Variants in CTNNBL1 observed in about 807,000 individuals in gnomAD.
CTNNBL1 encodes beta-catenin-like protein 1.
Under a neutral mutation model 72.7 loss-of-function variants are expected in CTNNBL1, and 31 were observed. The ratio of observed to expected loss-of-function variants is 0.43; its 90% CI spans 0.32 to 0.58. CTNNBL1 has a LOEUF of 0.58. Among genes scored for constraint, CTNNBL1 ranks in the 20% least tolerant of loss-of-function variants. The probability of loss-of-function intolerance (pLI) is 0.08; values close to 1 mark genes in which losing one functional copy is unlikely to be tolerated. For synonymous variants in CTNNBL1, 240 were observed against 267.3 expected, an observed-to-expected ratio of 0.90 and a Z score of 1.00; for missense variants, 534 against 725.1, an observed-to-expected ratio of 0.74 and a Z score of 3.03.
At chr20:37,853,688 C>T (rs959224181) in intron 13 of CTNNBL1, among the ~76,000 whole-genome samples, 2 of 152,194 alleles carry the variant, frequency 1.3e-5, no homozygotes, top group Non-Finnish European at 2.9e-5. Context: ...AAAGGTGATG[C>T]CGTCTTCTTT....
intron 7 of CTNNBL1, among the ~76,000 whole-genome samples, chr20:37,774,674 G>T (rs932518193): frequency 6.6e-6 from 1 of 152,114 alleles, no homozygotes; most frequent in African/African-American, 2.4e-5. Flanking sequence ...TCAGCTGGTC[G>T]GTGCCTGTTA....
chr20:37,812,445 G>A (rs983741344), intron 11 of CTNNBL1, among the ~76,000 whole-genome samples: 9 of 152,322 alleles, frequency 5.9e-5, no homozygotes, highest in African/African-American at 2.2e-4. Context: ...GACAGCCACT[G>A]TTTTTCATGA....
At chr20:37,787,212 G>A (rs1175365904) in intron 10 of CTNNBL1, among the ~76,000 whole-genome samples, 1 of 151,326 alleles carries the variant, frequency 6.6e-6, no homozygotes, top group African/African-American at 2.4e-5. Flanking sequence ...ACAGTGCACT[G>A]CAGCGTTGAA....
Position 37,768,056 on chromosome 20 carries a change from T to G in CTNNBL1, c.750+12T>G. ...TGAAGAGGCTGAAGGTGAGTTTGGCTGTGGGGAACTGCAGCTCACACCTGT... is the reference window on the plus strand; with the variant it reads ...TGAAGAGGCTGAAGGTGAGTTTGGCGGTGGGGAACTGCAGCTCACACCTGT... On this transcript the variant is annotated intron_variant, in intron 7 of 15. Coordinates refer to ENST00000361383, the MANE Select transcript of CTNNBL1 (RefSeq NM_030877.5). 1.2e-6 allele frequency: 2 copies of G among 1,608,724 alleles called. No homozygotes were observed. The highest frequency in any genetic ancestry group is 1.7e-6 in the Non-Finnish European group (2 of 1,175,324).
At chr20:37,736,492 G>A (rs1279453490) in intron 2 of CTNNBL1, among the ~76,000 whole-genome samples, 1 of 152,116 alleles carries the variant, frequency 6.6e-6, no homozygotes, top group African/African-American at 2.4e-5. Context: ...CTTACTCTCT[G>A]CCATACAGTG....
chr20:37,786,274 G>A (rs2073672505), intron 10 of CTNNBL1, among the ~76,000 whole-genome samples: 1 of 152,152 alleles, frequency 6.6e-6, no homozygotes, highest in African/African-American at 2.4e-5. Context: ...TGCTGCCTGT[G>A]TTCATTCATG....
intron 13 of CTNNBL1, among the ~76,000 whole-genome samples, chr20:37,851,832 G>A (rs946639100): frequency 2.0e-5 from 3 of 152,182 alleles, no homozygotes; most frequent in African/African-American, 4.8e-5. Flanking sequence ...GTTAGGATTC[G>A]GTTTTTGCTG....
intron 15 of CTNNBL1, among the ~76,000 whole-genome samples, chr20:37,870,727 C>T (rs368921626): frequency 9.4e-4 from 143 of 152,306 alleles, no homozygotes; most frequent in African/African-American, 3.3e-3. Context: ...CCTTTCTGCT[C>T]AGGACCCACC....
chr20:37,859,099 G>A (rs1357649329), intron 13 of CTNNBL1, among the ~76,000 whole-genome samples: 1 of 152,128 alleles, frequency 6.6e-6, no homozygotes, highest in Non-Finnish European at 1.5e-5. Context: ...TGGCTGCCAG[G>A]CGTGGTGTCT....
At chr20:37,761,763 G>A (rs1416569247) in intron 5 of CTNNBL1, among the ~76,000 whole-genome samples, 1 of 152,254 alleles carries the variant, frequency 6.6e-6, no homozygotes, top group African/African-American at 2.4e-5. Flanking sequence ...GTGATGTGAT[G>A]TAGAGTAGCT....
At chr20:37,787,977 T>TTC (rs1278536147) in intron 10 of CTNNBL1, among the ~76,000 whole-genome samples, 1 of 152,198 alleles carries the variant, frequency 6.6e-6, no homozygotes, top group Non-Finnish European at 1.5e-5. Context: ...ATTCTTTCCT[T>TTC]TCTGCACATT....
intron 11 of CTNNBL1, among the ~76,000 whole-genome samples, chr20:37,834,557 A>G (rs976628420): frequency 6.6e-6 from 1 of 152,222 alleles, no homozygotes; most frequent in African/African-American, 2.4e-5. Context: ...AGTGAGCCCA[A>G]ATATGAGGCG....
At chr20:37,748,845 T>C (rs1007337986) in intron 4 of CTNNBL1, among the ~76,000 whole-genome samples, 5 of 152,238 alleles carry the variant, frequency 3.3e-5, no homozygotes, top group African/African-American at 4.8e-5. Flanking sequence ...ACATTGGGGA[T>C]AGGCTTCAAC....
intron 12 of CTNNBL1, among the ~76,000 whole-genome samples, chr20:37,842,049 T>C (rs963952044): frequency 2.0e-5 from 3 of 152,232 alleles, no homozygotes; most frequent in Non-Finnish European, 4.4e-5. Context: ...TATTTGTTTT[T>C]AACAACGTGC....
chr20:37,715,763 C>G (rs901932219), intron 1 of CTNNBL1, among the ~76,000 whole-genome samples: 5 of 152,148 alleles, frequency 3.3e-5, no homozygotes, highest in Admixed American at 3.3e-4. Context: ...GTGTTATAAA[C>G]AAGATTAAGA....
intron 7 of CTNNBL1, among the ~76,000 whole-genome samples, chr20:37,772,772 AT>A (rs924727075): frequency 7.9e-5 from 12 of 152,144 alleles, no homozygotes; most frequent in African/African-American, 2.9e-4. Flanking sequence ...ATCATCTCAT[AT>A]TTATTCAGTA....
chr20:37,757,738 C>G, intron 5 of CTNNBL1, 82 bp downstream of exon 5: 2 of 949,394 alleles, frequency 2.1e-6, no homozygotes, highest in East Asian at 4.9e-5. Flanking sequence ...AGAGTGGCCA[C>G]CAGGTGGAAC....
chr20:37,803,105 T>C (rs976169638), intron 11 of CTNNBL1, 57 bp downstream of exon 11: 16 of 1,488,920 alleles, frequency 1.1e-5, no homozygotes, highest in Admixed American at 3.8e-5. Context: ...AATAGGGAAA[T>C]GTGAACTACT....
intron 11 of CTNNBL1, among the ~76,000 whole-genome samples, chr20:37,829,172 G>T (rs1376626158): frequency 6.6e-6 from 1 of 152,196 alleles, no homozygotes; most frequent in African/African-American, 2.4e-5. Flanking sequence ...TGTAATTTTG[G>T]AAGTGAGAGA....
Sources: gnomAD v4.1 joint callset for allele counts (sites outside exome capture counted in the v4.1 genomes callset) on GRCh38, gnomAD v4.1.1 for gene constraint, MANE v1.5 for transcripts, NCBI Gene and HGNC (gene_info 2026-07-23, HGNC 2026-07-21) for gene names.